The following FBXO27 variants were observed in gnomAD, a reference collection of about 807,000 sequenced individuals.
The protein encoded by FBXO27 is F-box protein 27, also known as F-box only protein 27.
In FBXO27, 28 loss-of-function variants were observed where a neutral mutation model predicts 28.3. The observed-to-expected ratio is 0.99, with a 90% CI of 0.73 to 1.36. The LOEUF (loss-of-function observed/expected upper bound fraction) is 1.36. Ranked by LOEUF, FBXO27 falls within the 40% of genes most tolerant of loss-of-function variation. The pLI is 0.00. For missense variants in FBXO27, 388 were observed against 394.1 expected (o/e 0.98, Z 0.13); for synonymous variants, 175 against 167.3 (o/e 1.05, Z -0.36).
chr19:39,012,442 C>T (rs529372022), intron 2 of FBXO27, among the ~76,000 whole-genome samples: 18 of 152,020 alleles, frequency 1.2e-4, no homozygotes, highest in African/African-American at 4.1e-4. Context: ...CCTCGGCCTC[C>T]CAAAGTGTTG....
chr19:39,030,746 G>C, intron 4 of FBXO27: 1 of 445,076 alleles, frequency 2.2e-6, no homozygotes, highest in Non-Finnish European at 4.1e-6. Flanking sequence ...GGGACTACAG[G>C]TGTGCACTAC....
rs1033895136 is a variant in FBXO27 at position 39,024,258 on chromosome 19, G to C, written c.*1153C>G. On this transcript the variant is annotated 3_prime_UTR_variant, in exon 6 of 6. Coordinates refer to ENST00000292853, the MANE Select transcript of FBXO27 (RefSeq NM_178820.5). ...TTTTTTTTTTTTGAGACAGGGTCTCGCTCTGTCACCCAGGCTGGAGTGCAG... is the reference window on the plus strand; with the variant it reads ...TTTTTTTTTTTTGAGACAGGGTCTCCCTCTGTCACCCAGGCTGGAGTGCAG... The C allele has an allele frequency of 6.6e-6, 1 of 151,558 alleles. No homozygotes were observed. Among genetic ancestry groups the C allele is most frequent in the South Asian group, 2.1e-4 (1 of 4,798 alleles). The allele number at this position is 151,558 out of a possible 1,614,324, so 9.4% of individuals were successfully genotyped here. A position where few individuals can be genotyped will look rare whatever the true frequency, so the allele number is the denominator to read the frequency against.
At chr19:39,013,935 C>T (rs925686122) in intron 2 of FBXO27, among the ~76,000 whole-genome samples, 2 of 152,082 alleles carry the variant, frequency 1.3e-5, no homozygotes, top group African/African-American at 4.8e-5. Flanking sequence ...ATGGCGTGAA[C>T]CTGGGAGGCA....
At chr19:39,026,830 C>A (rs768274729) in intron 5 of FBXO27, 40 bp downstream of exon 5, 1 of 1,611,598 alleles carries the variant, frequency 6.2e-7, no homozygotes, top group South Asian at 1.1e-5. Flanking sequence ...CAGCAATAGG[C>A]CCCCAGCATC....
chr19:39,023,566 G>A (rs893179733), downstream of FBXO27, among the ~76,000 whole-genome samples: 10 of 151,646 alleles, frequency 6.6e-5, no homozygotes, highest in African/African-American at 9.7e-5. Flanking sequence ...ACCAAAATCA[G>A]CCAGGGGATC....
intron 2 of FBXO27, among the ~76,000 whole-genome samples, chr19:39,012,311 A>C (rs2072799315): frequency 6.6e-6 from 1 of 151,174 alleles, no homozygotes; most frequent in Non-Finnish European, 1.5e-5. Flanking sequence ...CAGCCTTCCG[A>C]GTAGCTGCGA....
chr19:39,019,043 TG>T (rs2144889700), downstream of FBXO27, among the ~76,000 whole-genome samples: 1 of 140,756 alleles, frequency 7.1e-6, no homozygotes, highest in South Asian at 2.3e-4. Context: ...CACTCTAGCC[TG>T]GGTGACAGAG....
At chr19:39,029,105 G>A (rs1354090598) in intron 4 of FBXO27, among the ~76,000 whole-genome samples, 8 of 151,174 alleles carry the variant, frequency 5.3e-5, no homozygotes, top group Admixed American at 4.0e-4. Flanking sequence ...TGGAGTTGGG[G>A]AATAGGGTTA....
At position 39,025,032 on chromosome 19, in the gene FBXO27, A is replaced by G. The variant is rs147106491; in HGVS notation, c.*379T>C. On this transcript the variant is annotated 3_prime_UTR_variant, in exon 6 of 6. Coordinates refer to ENST00000292853, the MANE Select transcript of FBXO27 (RefSeq NM_178820.5). ...CAGAAACAACAGGAGACAAGAGGTC[A>G]GTGGTGCGGAGGGGAGGGGATGGTA... 547 of 182,474 alleles carry G rather than the reference A, an allele frequency of 3.0e-3. 1 individual carries two copies. The highest frequency in any genetic ancestry group is 5.1e-3 in the Middle Eastern group (2 of 394). 11.3% of individuals were successfully genotyped at this position (182,474 alleles called of 1,614,324 possible).
Position 39,025,040 on chromosome 19 carries a change from G to A in FBXO27, c.*371C>T, listed in dbSNP as rs147670745. ...ACAGGAGACAAGAGGTCAGTGGTGC[G>A]GAGGGGAGGGGATGGTACAGAGGGG... On this transcript the variant is annotated 3_prime_UTR_variant, in exon 6 of 6. Transcript: ENST00000292853. The A allele has an allele frequency of 2.1e-5, 4 of 193,486 alleles. No individual in the cohort carries two copies. Among genetic ancestry groups the A allele is most frequent in the East Asian group, 2.6e-4 (2 of 7,750 alleles). The allele number at this position is 193,486 out of a possible 1,614,324, so 12.0% of individuals were successfully genotyped here.
intron 2 of FBXO27, among the ~76,000 whole-genome samples, chr19:39,010,074 T>G (rs1037439875): frequency 2.6e-5 from 4 of 152,154 alleles, no homozygotes; most frequent in Admixed American, 6.6e-5. Context: ...CCTCCCAAAG[T>G]GCTGGGATTA....
In FBXO27 at chr19:39,024,485, A is replaced by C. The variant is rs1391361368; in HGVS notation, c.*926T>G. ...ACTGATCCTCCCACCTTGGCCTCCC[A>C]AAGTGCAGGGATTACAGGTGTGAGC... On this transcript the variant is annotated 3_prime_UTR_variant, in exon 6 of 6. Transcript: ENST00000292853. 1 of 152,206 alleles carries C rather than the reference A, an allele frequency of 6.6e-6. No individual in the cohort carries two copies. 9.4% of individuals were successfully genotyped at this position (152,206 alleles called of 1,614,324 possible).
rs2072875333 is a variant in FBXO27, at chr19:39,026,858, T to C, written c.708+12A>G. 3.1e-6 allele frequency: 5 copies of C among 1,613,966 alleles called. No individual in the cohort carries two copies. The highest frequency in any genetic ancestry group is 2.2e-5 in the South Asian group (2 of 91,076). On this transcript the variant is annotated intron_variant, in intron 5 of 5. Transcript: ENST00000292853. ...CCAGCATCCTTTCCCCAAACCCCCA[T>C]AGGAGACTCACGTGAAGGCAGGCAT... is the stretch of plus-strand genomic sequence containing the variant.
At chr19:39,030,330 G>A (rs2072895171) in intron 4 of FBXO27, 1 of 152,354 alleles carries the variant, frequency 6.6e-6, no homozygotes, top group South Asian at 2.1e-4. Context: ...ACAGAGGTAT[G>A]CTGTGACTTG....
At chr19:39,009,370 G>T (rs969305067) in intron 2 of FBXO27, among the ~76,000 whole-genome samples, 4 of 152,150 alleles carry the variant, frequency 2.6e-5, no homozygotes, top group African/African-American at 7.2e-5. Context: ...AATGACAAAC[G>T]GCTTTCTAAA....
chr19:39,032,431 G>T lies in FBXO27; in HGVS notation c.-27+72C>A, dbSNP rs2072912061. 1.4e-5 allele frequency: 10 copies of T among 727,980 alleles called. No homozygotes were observed. The East Asian group carries it at 3.5e-4, about 25-fold the overall frequency. The allele number at this position is 727,980 out of a possible 1,614,324, so 45.1% of individuals were successfully genotyped here. ...CGATATCCCGGAGACCCCGCGGTCT[G>T]TGTGTATGCCCCGAATTGCATGCAA... On this transcript the variant is annotated intron_variant, in intron 1 of 5. Coordinates refer to ENST00000292853, the MANE Select transcript of FBXO27 (RefSeq NM_178820.5). This position sits in a 1 kb window ranked among gnomAD's most constrained non-coding sequence, Gnocchi z 4.7.
At chr19:39,031,452 GC>G (rs2072903017) in intron 2 of FBXO27, 132 bp from the exon 3 acceptor site, 1 of 609,300 alleles carries the variant, frequency 1.6e-6, no homozygotes, top group African/African-American at 3.5e-5. Context: ...CCGAGGCCCC[GC>G]CCCCTTCCCC....
In FBXO27 at chr19:39,032,140, G is replaced by A; in HGVS notation, c.88C>T (p.Pro30Ser). Residue 30 changes from proline to serine, a missense_variant, in exon 2 of 6, where the codon CCC becomes TCC. By Grantham distance (74) the Pro-to-Ser change is moderately conservative. Transcript: ENST00000292853. The surrounding 1 kb of genome is among the most constrained non-coding windows in gnomAD (Gnocchi z 4.7). ...AGCACCACCAGAAGCAGCTCTGGGG[G>A]TAGTTGGCTCAGGTCCAGCGCCTCT... ...PEEALDLSQL[P>S]PELLLVVLSH... 6.5e-7 allele frequency: 1 copy of A among 1,544,764 alleles called. No homozygotes were observed. Among genetic ancestry groups the A allele is most frequent in the Non-Finnish European group, 8.7e-7 (1 of 1,151,706 alleles).
chr19:39,012,173 C>G (rs1022590548), intron 2 of FBXO27, among the ~76,000 whole-genome samples: 10 of 142,456 alleles, frequency 7.0e-5, no homozygotes, highest in African/African-American at 2.6e-4. Flanking sequence ...CCAAAAATGT[C>G]CTGAATTTAT....
Sources: gnomAD v4.1 joint callset for allele counts (sites outside exome capture counted in the v4.1 genomes callset) on GRCh38, gnomAD v4.1.1 for gene constraint, Gnocchi (gnomAD v3.1) non-coding constraint, MANE v1.5 for transcripts, NCBI Gene and HGNC (gene_info 2026-07-23, HGNC 2026-07-21) for gene names.